The following SLAIN1 variants were observed in gnomAD, a reference collection of about 807,000 sequenced individuals.
SLAIN1 encodes the protein SLAIN family member 1.
In SLAIN1, 17 loss-of-function variants were observed where a neutral mutation model predicts 55.4. The ratio of observed to expected loss-of-function variants is 0.31; its 90% confidence interval spans 0.21 to 0.46. SLAIN1 has a LOEUF of 0.46. Ranked by LOEUF, SLAIN1 falls within the 20% of genes least tolerant of loss-of-function variation. The pLI is 1.00. For missense variants in SLAIN1, 682 were observed against 785.1 expected (o/e 0.87, Z 1.57); for synonymous variants, 348 against 337.4 (o/e 1.03, Z -0.35).
intron 1 of SLAIN1, chr13:77,699,139 C>T: frequency 7.3e-7 from 1 of 1,372,878 alleles, no homozygotes; most frequent in Non-Finnish European, 9.9e-7. Flanking sequence ...CAGAGACTGA[C>T]TTGCTTTTTA....
chr13:77,746,545 A>G lies in SLAIN1; in HGVS notation c.948A>G (p.Ala316=), dbSNP rs140407641. 861 of 1,609,618 alleles carry G rather than the reference A, an allele frequency of 5.3e-4. 3 individuals carry two copies. The highest frequency in any genetic ancestry group is 5.3e-3 in the Middle Eastern group (32 of 6,036). ...SLRQDYASTS[A]SVSRHSSSVS... ...GGCAAGATTATGCTTCTACTTCAGC[A>G]TCTGTATCAAGACATAGTTCCAGTG... Residue 316 remains alanine (A), a synonymous_variant, in exon 4 of 7, where the codon GCA becomes GCG. Transcript: ENST00000418532.
chr13:77,755,974 G>A (rs992912200), intron 5 of SLAIN1, among the ~76,000 whole-genome samples: 2 of 152,118 alleles, frequency 1.3e-5, no homozygotes, highest in African/African-American at 4.8e-5. Context: ...TTTCTGGAAA[G>A]AACAGAGGTA....
At chr13:77,735,962 T>G (rs1873097628) in intron 2 of SLAIN1, among the ~76,000 whole-genome samples, 1 of 152,058 alleles carries the variant, frequency 6.6e-6, no homozygotes, top group African/African-American at 2.4e-5. Flanking sequence ...TATGGTAAAT[T>G]TTTTATTTTG....
At chr13:77,711,196 C>T (rs749363332) in intron 1 of SLAIN1, among the ~76,000 whole-genome samples, 25 of 151,930 alleles carry the variant, frequency 1.6e-4, no homozygotes, top group African/African-American at 5.8e-4. Context: ...CAAACAAATT[C>T]AAAAGCTAGC....
intron 2 of SLAIN1, among the ~76,000 whole-genome samples, chr13:77,722,631 A>AT (rs542456709): frequency 4.7e-4 from 71 of 151,856 alleles, no homozygotes; most frequent in African/African-American, 1.6e-3. Context: ...TCACTTCTAT[A>AT]TTTTTTCTCT....
chr13:77,758,595 T>C (rs748332285), intron 5 of SLAIN1, among the ~76,000 whole-genome samples: 2 of 152,166 alleles, frequency 1.3e-5, no homozygotes, highest in Non-Finnish European at 2.9e-5. Context: ...TTTGAGTTGA[T>C]TTTTGTATAA....
rs1467272017 is a variant in SLAIN1 at position 77,763,800 on chromosome 13, G to GCAAAAACACA, written c.*581_*590dup. Reference sequence around the variant, plus strand: ...TTTTTTTAGCTCTAGGGATATATCAGCAAAAACACATCATGCAATTTGAGA... The same window carrying GCAAAAACACA: ...TTTTTTTAGCTCTAGGGATATATCAGCAAAAACACACAAAAACACATCATGCAATTTGAGA... On this transcript the variant is annotated 3_prime_UTR_variant, in exon 7 of 7. Coordinates refer to ENST00000418532, the MANE Select transcript of SLAIN1 (RefSeq NM_001242868.2). The GCAAAAACACA allele has an allele frequency of 5.9e-5, 9 of 152,576 alleles. No individual in the cohort carries two copies. The highest frequency in any genetic ancestry group is 2.1e-4 in the South Asian group (1 of 4,828). 9.5% of individuals were successfully genotyped at this position (152,576 alleles called of 1,614,324 possible). A position where few individuals can be genotyped will look rare whatever the true frequency, so the allele number is the denominator to read the frequency against.
chr13:77,728,381 G>A (rs934594880), intron 2 of SLAIN1, among the ~76,000 whole-genome samples: 7 of 152,146 alleles, frequency 4.6e-5, no homozygotes, highest in African/African-American at 1.7e-4. Flanking sequence ...TTTGGGGCCA[G>A]TTAATAAAAG....
chr13:77,721,689 A>G (rs1181935029), intron 2 of SLAIN1, among the ~76,000 whole-genome samples: 2 of 151,998 alleles, frequency 1.3e-5, no homozygotes, highest in Non-Finnish European at 2.9e-5. Flanking sequence ...CCAGAAAACA[A>G]TGATCAATGC....
intron 1 of SLAIN1, among the ~76,000 whole-genome samples, chr13:77,703,716 T>C (rs975094770): frequency 1.3e-5 from 2 of 151,792 alleles, no homozygotes; most frequent in South Asian, 2.1e-4. Flanking sequence ...TCCTAGCAGG[T>C]GCCAGTGACT....
intron 6 of SLAIN1, among the ~76,000 whole-genome samples, chr13:77,761,995 T>C (rs951666114): frequency 6.6e-6 from 1 of 152,200 alleles, no homozygotes; most frequent in Non-Finnish European, 1.5e-5. Context: ...TTTTCTGTCT[T>C]TATGCATTTA....
At chr13:77,700,187 A>G (rs910297269) in intron 1 of SLAIN1, among the ~76,000 whole-genome samples, 7 of 152,174 alleles carry the variant, frequency 4.6e-5, no homozygotes, top group Non-Finnish European at 1.0e-4. Flanking sequence ...TTAGCATCCT[A>G]TTACTAGCAT....
intron 2 of SLAIN1, among the ~76,000 whole-genome samples, chr13:77,731,101 A>G (rs1297571836): frequency 2.0e-5 from 3 of 152,126 alleles, no homozygotes; most frequent in Non-Finnish European, 4.4e-5. Flanking sequence ...AAAGGAAATA[A>G]TCAGTAAATA....
At chr13:77,761,545 T>C (rs1030656642) in intron 6 of SLAIN1, among the ~76,000 whole-genome samples, 9 of 152,172 alleles carry the variant, frequency 5.9e-5, no homozygotes, top group Non-Finnish European at 1.2e-4. Context: ...CTATGCCCAA[T>C]ACAGGTAGGA....
rs557214778 is a variant in SLAIN1 at position 77,698,098 on chromosome 13, T to TGCCGCCGCCGCC, written c.189_200dup (p.Pro64_Pro67dup). ...GCCGCCGCCCCGCACCTGCTGCTGC[T>TGCCGCCGCCGCC]GCCGCCGCCGCCGCCCGCCGCGCCG... On this transcript the variant is annotated inframe_insertion, in exon 1 of 7. Transcript: ENST00000418532. This position sits in a 1 kb window ranked among gnomAD's most constrained non-coding sequence, Gnocchi z 4.1. The TGCCGCCGCCGCC allele has an allele frequency of 2.7e-6, 3 of 1,125,632 alleles. No individual in the cohort carries two copies. The African/African-American group carries it at 5.7e-5, about 21-fold the overall frequency. The allele number at this position is 1,125,632 out of a possible 1,614,324, so 69.7% of individuals were successfully genotyped here.
chr13:77,720,565 T>C lies in SLAIN1; in HGVS notation c.766+894T>C, dbSNP rs535523230. On this transcript the variant is annotated intron_variant, in intron 2 of 6. Transcript: ENST00000418532. ...ACATAAGACAAAGCATTATAGATAA[T>C]GCTTCAAGAGCTCTTAATTCTATGA... 9.8e-5 allele frequency among the ~76,000 whole-genome samples: 15 copies of C among 152,318 alleles called. No homozygotes were observed. In the South Asian group the frequency reaches 3.1e-3, roughly 32 times the overall value.
At chr13:77,757,620 A>T (rs997563355) in intron 5 of SLAIN1, among the ~76,000 whole-genome samples, 1 of 152,056 alleles carries the variant, frequency 6.6e-6, no homozygotes, top group Non-Finnish European at 1.5e-5. Context: ...AGAGTCCATT[A>T]TCTCATTCTT....
intron 1 of SLAIN1, among the ~76,000 whole-genome samples, chr13:77,713,156 A>G (rs1329387761): frequency 6.6e-6 from 1 of 152,224 alleles, no homozygotes; most frequent in African/African-American, 2.4e-5. Flanking sequence ...ATGGGCAAAG[A>G]CTTCATGAGT....
intron 2 of SLAIN1, chr13:77,741,185 C>G (rs1873411324): frequency 3.0e-6 from 3 of 985,452 alleles, no homozygotes; most frequent in African/African-American, 3.5e-5. Flanking sequence ...AGTGATCAGA[C>G]TGGTATAAAA....
Sources: gnomAD v4.1 joint callset for allele counts (sites outside exome capture counted in the v4.1 genomes callset) on GRCh38, gnomAD v4.1.1 for gene constraint, Gnocchi (gnomAD v3.1) non-coding constraint, MANE v1.5 for transcripts, NCBI Gene and HGNC (gene_info 2026-07-23, HGNC 2026-07-21) for gene names.